The following IPO13 variants were observed in gnomAD, a reference collection of about 807,000 sequenced individuals.
IPO13 encodes importin-13.
In IPO13, 28 loss-of-function variants were observed where a neutral mutation model predicts 115.5. The observed-to-expected ratio is 0.24, with a 90% CI of 0.18 to 0.33. The LOEUF (loss-of-function observed/expected upper bound fraction) is 0.33. IPO13 is among the 10% of genes least tolerant of loss of function. The pLI, the probability that IPO13 is intolerant of heterozygous loss-of-function variation, is 1.00. For synonymous variants in IPO13, 414 were observed against 478.9 expected, an observed-to-expected ratio of 0.86 and a Z score of 1.77; for missense variants, 785 against 1,204.6, an observed-to-expected ratio of 0.65 and a Z score of 5.16.
rs774162994 is a variant in IPO13, at chr1:43,966,816, C to T, written c.2523+34C>T. 2 of 1,612,198 alleles carry T rather than the reference C, an allele frequency of 1.2e-6. No homozygotes were observed. The highest frequency in any genetic ancestry group is 2.2e-5 in the South Asian group (2 of 91,034). ...CATGCTGAACCCTGACCCACTGCCA[C>T]CCCAGTGCCCTCCCCTGCCCAGGAC... On this transcript the variant is annotated intron_variant, in intron 17 of 19. Coordinates refer to ENST00000372343, the MANE Select transcript of IPO13 (RefSeq NM_014652.4). The surrounding 1 kb of genome is among the most constrained non-coding windows in gnomAD (Gnocchi z 4.1).
rs578012350 is a variant in IPO13 at position 43,957,112 on chromosome 1, G to T, written c.1272-83G>T. 6 of 1,575,392 alleles carry T rather than the reference G, an allele frequency of 3.8e-6. No homozygotes were observed. In the African/African-American group the frequency reaches 4.1e-5, roughly 11 times the overall value. ...TAGGTATTGTTGCAGAGTTGTGGGG[G>T]TACTGGGGTAGGCTCCTGGGCTTGG... On this transcript the variant is annotated intron_variant, in intron 5 of 19. Coordinates refer to ENST00000372343, the MANE Select transcript of IPO13 (RefSeq NM_014652.4).
At chr1:43,949,214 G>A (rs1300567279) in intron 1 of IPO13, among the ~76,000 whole-genome samples, 2 of 152,176 alleles carry the variant, frequency 1.3e-5, no homozygotes, top group Admixed American at 1.3e-4. Context: ...AAGAGGATAT[G>A]GTAGAGCATG....
Position 43,957,292 on chromosome 1 carries a change from T to C in IPO13, c.1369T>C (p.Ser457Pro). 6.2e-7 allele frequency: 1 copy of C among 1,614,048 alleles called. No homozygotes were observed. The highest frequency in any genetic ancestry group is 8.5e-7 in the Non-Finnish European group (1 of 1,179,972). ...YDKLGRLLTS[S>P]EEPYSWQHTE... is the part of the protein sequence containing the mutation. The stretch of plus-strand genomic sequence containing the variant: ...CAAGCTGGGTCGTTTGCTCACCAGC[T>C]CAGAGGAGCCCTACTCCTGGCAGGT... The change falls in exon 6 of 20, where the codon TCA (serine) becomes CCA (proline). Residue 457 changes from serine (S) to proline (P), a missense_variant. Physicochemically the swap from Ser to Pro is moderately conservative, Grantham distance 74. Coordinates refer to ENST00000372343, the MANE Select transcript of IPO13 (RefSeq NM_014652.4).
chr1:43,954,504 A>T (rs1057286734), intron 2 of IPO13, among the ~76,000 whole-genome samples: 8 of 151,994 alleles, frequency 5.3e-5, no homozygotes, highest in Non-Finnish European at 1.2e-4. Context: ...TCAGTCCCCA[A>T]CTCCCTAACA....
intron 2 of IPO13, among the ~76,000 whole-genome samples, chr1:43,953,795 G>T (rs1323268492): frequency 1.3e-5 from 2 of 152,186 alleles, no homozygotes; most frequent in African/African-American, 4.8e-5. Context: ...AGTGAATTAG[G>T]CAGGCTCTTG....
At position 43,949,814 on chromosome 1, in the gene IPO13, G is replaced by A; in HGVS notation, c.482G>A (p.Gly161Asp). ...QAEDSPVDGQ[G>D]RCLALLELLT... ...GAGGACTCACCAGTGGATGGGCAGG[G>A]CCGCTGCCTAGCCCTGTTAGAGCTG... The change falls in exon 2 of 20, where the codon GGC (glycine) becomes GAC (aspartate). Residue 161 changes from glycine to aspartate, a missense_variant. This residue lies in a region of IPO13 where 325 missense variants were observed against 449.8 expected (regional missense o/e 0.72). Transcript: ENST00000372343. The A allele has an allele frequency of 6.2e-7, 1 of 1,613,922 alleles. No homozygotes were observed. The highest frequency in any genetic ancestry group is 8.5e-7 in the Non-Finnish European group (1 of 1,179,994).
rs1356535982 is a variant in IPO13, at chr1:43,957,971, C to T, written c.1541-6C>T. The T allele has an allele frequency of 6.2e-7, 1 of 1,613,840 alleles. No homozygotes were observed. Among genetic ancestry groups the T allele is most frequent in the South Asian group, 1.1e-5 (1 of 91,078 alleles). ...AAAGATCCTCCTGTCTCCCTCCTTC[C>T]TCCAGGAGCTCTGTCTGAATGGCTG... On this transcript the variant is annotated splice_polypyrimidine_tract_variant and splice_region_variant and intron_variant, in intron 7 of 19. Coordinates refer to ENST00000372343, the MANE Select transcript of IPO13 (RefSeq NM_014652.4).
rs2154301968 is a variant in IPO13, at chr1:43,946,965, C to G, written c.-636C>G. The G allele has an allele frequency of 2.5e-6, 1 of 397,996 alleles. No individual in the cohort carries two copies. Among genetic ancestry groups the G allele is most frequent in the Non-Finnish European group, 4.4e-6 (1 of 225,790 alleles). 24.7% of individuals were successfully genotyped at this position (397,996 alleles called of 1,614,324 possible). On this transcript the variant is annotated 5_prime_UTR_variant, in exon 1 of 20. Coordinates refer to ENST00000372343, the MANE Select transcript of IPO13 (RefSeq NM_014652.4). ...GGCCGGCCTGGCTTGTCTTGTCAGT[C>G]ACTGGGGCGGAGGCAGCGGCTGTAG...
Position 43,967,802 on chromosome 1 carries a change from C to A in IPO13, c.*120C>A. On this transcript the variant is annotated 3_prime_UTR_variant, in exon 20 of 20. Coordinates refer to ENST00000372343, the MANE Select transcript of IPO13 (RefSeq NM_014652.4). The surrounding 1 kb of genome is among the most constrained non-coding windows in gnomAD (Gnocchi z 6.1). ...CTGTCACCACCACCTAACTGAAAGC[C>A]TGGGTCCAGAAGGCCTGGGGGAAGG... The A allele has an allele frequency of 1.0e-6, 1 of 973,028 alleles. No individual in the cohort carries two copies. Among genetic ancestry groups the A allele is most frequent in the Non-Finnish European group, 1.6e-6 (1 of 630,152 alleles). 60.3% of individuals were successfully genotyped at this position (973,028 alleles called of 1,614,324 possible).
chr1:43,955,503 C>G (rs1214609774), intron 2 of IPO13, among the ~76,000 whole-genome samples: 1 of 152,176 alleles, frequency 6.6e-6, no homozygotes, highest in Non-Finnish European at 1.5e-5. Flanking sequence ...GAGACTCCGT[C>G]CTTGCCTCTT....
At position 43,967,859 on chromosome 1, in the gene IPO13, G is replaced by C; in HGVS notation, c.*177G>C. 2 of 633,710 alleles carry C rather than the reference G, an allele frequency of 3.2e-6. No individual in the cohort carries two copies. The highest frequency in any genetic ancestry group is 1.9e-5 in the South Asian group (1 of 53,148). The allele number at this position is 633,710 out of a possible 1,614,324, so 39.3% of individuals were successfully genotyped here. A position where few individuals can be genotyped will look rare whatever the true frequency, so the allele number is the denominator to read the frequency against. On this transcript the variant is annotated 3_prime_UTR_variant, in exon 20 of 20. Coordinates refer to ENST00000372343, the MANE Select transcript of IPO13 (RefSeq NM_014652.4). This position sits in a 1 kb window ranked among gnomAD's most constrained non-coding sequence, Gnocchi z 6.1. ...GGATGCTTGGACCCAGGCCTTGGGA[G>C]GGAATGGTGGGAACATCCTCTAGCT...
chr1:43,958,919 T>G lies in IPO13; in HGVS notation c.2028+30T>G, dbSNP rs763781741. 1 of 1,600,812 alleles carries G rather than the reference T, an allele frequency of 6.2e-7. No homozygotes were observed. The highest frequency in any genetic ancestry group is 1.3e-5 in the African/African-American group (1 of 74,732). On this transcript the variant is annotated intron_variant, in intron 11 of 19. Coordinates refer to ENST00000372343, the MANE Select transcript of IPO13 (RefSeq NM_014652.4). The surrounding 1 kb of genome is among the most constrained non-coding windows in gnomAD (Gnocchi z 6.3). ...GTGACATTTGCCCACGGCAAAGACA[T>G]TTGTCTTTGCCATCCCCCCAACCCC...
At chr1:43,965,860 G>C (rs1413799740) in intron 15 of IPO13, 1 of 156,792 alleles carries the variant, frequency 6.4e-6, no homozygotes, top group Non-Finnish European at 1.4e-5. Flanking sequence ...AGGATGACTG[G>C]AGCTGTGCAG....
chr1:43,966,097 G>T lies in IPO13; in HGVS notation c.2398-478G>T. 1 of 212,054 alleles carries T rather than the reference G, an allele frequency of 4.7e-6. No homozygotes were observed. Among genetic ancestry groups the T allele is most frequent in the South Asian group, 7.3e-5 (1 of 13,770 alleles). The allele number at this position is 212,054 out of a possible 1,614,324, so 13.1% of individuals were successfully genotyped here. A position where few individuals can be genotyped will look rare whatever the true frequency, so the allele number is the denominator to read the frequency against. ...CTTCTTTTTGAGCAGGAGCTGGAGG[G>T]TGCCTCAGGAATACAGGAGGGACAT... On this transcript the variant is annotated intron_variant, in intron 15 of 19. Coordinates refer to ENST00000372343, the MANE Select transcript of IPO13 (RefSeq NM_014652.4). This position sits in a 1 kb window ranked among gnomAD's most constrained non-coding sequence, Gnocchi z 4.1.
chr1:43,957,072 C>T (rs1272056624), intron 5 of IPO13, 96 bp downstream of exon 5: 2 of 1,561,328 alleles, frequency 1.3e-6, no homozygotes, highest in Non-Finnish European at 1.7e-6. Context: ...AATTTTGGTG[C>T]TCCTTTCTGT....
chr1:43,957,442 A>G lies in IPO13; in HGVS notation c.1433A>G (p.Glu478Gly), dbSNP rs1255430172. ...ALLYGFQSIAETIDVNYSDVV... is the reference protein window; with the variant it reads ...ALLYGFQSIAGTIDVNYSDVV... The stretch of plus-strand genomic sequence containing the variant: ...CTCTACGGCTTCCAATCCATCGCAG[A>G]GACCATTGACGTCAACTATTCTGAT... Residue 478 changes from glutamate to glycine, a missense_variant, in exon 7 of 20, where the codon GAG becomes GGG. By Grantham distance (98) the Glu-to-Gly change is moderately conservative (BLOSUM62 -2). This residue lies in a region of IPO13 where 175 missense variants were observed against 360.0 expected (regional missense o/e 0.49). Transcript: ENST00000372343. 1 of 1,614,218 alleles carries G rather than the reference A, an allele frequency of 6.2e-7. No individual in the cohort carries two copies. Among genetic ancestry groups the G allele is most frequent in the East Asian group, 2.2e-5 (1 of 44,884 alleles).
rs1227220102 is a variant in IPO13, at chr1:43,967,482, C to T, written c.2781C>T (p.Ser927=). Residue 927 remains serine (S), a synonymous_variant, in exon 19 of 20, where the codon AGC becomes AGT. Transcript: ENST00000372343. This position sits in a 1 kb window ranked among gnomAD's most constrained non-coding sequence, Gnocchi z 6.1. ...GCCCTGAACAGAAGGATACCTTCAGCCAGCAGATCCTTCGGTGAGCAGAGC... is the reference window on the plus strand; with the variant it reads ...GCCCTGAACAGAAGGATACCTTCAGTCAGCAGATCCTTCGGTGAGCAGAGC... ...RLSPEQKDTF[S]QQILRERVNK... 4 of 1,614,146 alleles carry T rather than the reference C, an allele frequency of 2.5e-6. 1 individual carries two copies. The highest frequency in any genetic ancestry group is 2.2e-5 in the South Asian group (2 of 91,088).
In IPO13 at chr1:43,967,606, G is replaced by A. The variant is rs748446753; in HGVS notation, c.2816G>A (p.Arg939Gln). ...QILRERVNKR[R>Q]VKEMVKEFTL... ...TTCAGCGAGCGAGTGAACAAGAGGC[G>A]GGTGAAGGAGATGGTGAAGGAGTTC... Residue 939 changes from arginine to glutamine, a missense_variant, in exon 20 of 20, where the codon CGG (arginine) becomes CAG (glutamine). Physicochemically the swap from Arg to Gln is conservative, Grantham distance 43 (BLOSUM62 1). Coordinates refer to ENST00000372343, the MANE Select transcript of IPO13 (RefSeq NM_014652.4). This position sits in a 1 kb window ranked among gnomAD's most constrained non-coding sequence, Gnocchi z 6.1. 18 of 1,614,212 alleles carry A rather than the reference G, an allele frequency of 1.1e-5. No individual in the cohort carries two copies. The highest frequency in any genetic ancestry group is 3.3e-5 in the Admixed American group (2 of 60,032).
intron 15 of IPO13, among the ~76,000 whole-genome samples, chr1:43,965,226 C>T (rs971270254): frequency 6.6e-6 from 1 of 151,968 alleles, no homozygotes; most frequent in African/African-American, 2.4e-5. Flanking sequence ...ATGGGGGCTT[C>T]TGTGTGTTAG....
Sources: gnomAD v4.1 joint callset for allele counts (sites outside exome capture counted in the v4.1 genomes callset) on GRCh38, gnomAD v4.1.1 for gene constraint, gnomAD v4.1.1 regional missense constraint, Gnocchi (gnomAD v3.1) non-coding constraint, MANE v1.5 for transcripts, NCBI Gene and HGNC (gene_info 2026-07-23, HGNC 2026-07-21) for gene names.